SESN1: variants seen among roughly 807,000 people sequenced by gnomAD.
SESN1 encodes the protein sestrin-1.
Under a neutral mutation model 59.3 loss-of-function variants are expected in SESN1, and 30 were observed. That is an observed-to-expected ratio of 0.51 (90% CI 0.38 to 0.69). The LOEUF is 0.69. SESN1 is among the 30% of genes least tolerant of loss of function. The pLI is 0.00. For synonymous variants in SESN1, 197 were observed against 219.9 expected, an observed-to-expected ratio of 0.90 and a Z score of 0.92; for missense variants, 566 against 673.0, an observed-to-expected ratio of 0.84 and a Z score of 1.76.
At chr6:109,069,943 A>G (rs569928989) in intron 1 of SESN1, among the ~76,000 whole-genome samples, 5 of 152,210 alleles carry the variant, frequency 3.3e-5, no homozygotes, top group Admixed American at 6.5e-5. Flanking sequence ...TGATGAAACC[A>G]CATCTTATTA....
chr6:109,092,576 C>A (rs555302997), intron 1 of SESN1, among the ~76,000 whole-genome samples: 5 of 152,278 alleles, frequency 3.3e-5, no homozygotes, highest in Admixed American at 2.0e-4. Context: ...AAATTACACA[C>A]AAAAATACAA....
chr6:109,029,243 T>C (rs1449517699), intron 1 of SESN1, among the ~76,000 whole-genome samples: 1 of 152,134 alleles, frequency 6.6e-6, no homozygotes, highest in Non-Finnish European at 1.5e-5. Flanking sequence ...CCAGAAAGAC[T>C]CTTCCTAGCC....
chr6:108,986,601 C>A lies in SESN1; in HGVS notation c.*943G>T, dbSNP rs1779202382. 1 of 152,620 alleles carries A rather than the reference C, an allele frequency of 6.6e-6. No homozygotes were observed. The highest frequency in any genetic ancestry group is 1.5e-5 in the Non-Finnish European group (1 of 68,036). The allele number at this position is 152,620 out of a possible 1,614,324, so 9.5% of individuals were successfully genotyped here. ...TTGTAAATCAAATTTGATAACCCGA[C>A]TAAAAATATTTTCCAGCTTTATTAT... is the stretch of plus-strand genomic sequence containing the variant. On this transcript the variant is annotated 3_prime_UTR_variant, in exon 10 of 10. Transcript: ENST00000436639.
rs1373901982 is a variant in SESN1, at chr6:108,988,683, C to A, written c.1429G>T (p.Asp477Tyr). The change falls in exon 9 of 10, where the codon GAT becomes TAT. Residue 477 changes from aspartate (D) to tyrosine (Y), a missense_variant. Asp to Tyr is a radical substitution (Grantham distance 160). Transcript: ENST00000436639. ...TTAATTTCACCATAGTCATAATCATCATATCTGTTGAAAGACATAATGAGA... is the reference window on the plus strand; with the variant it reads ...TTAATTTCACCATAGTCATAATCATAATATCTGTTGAAAGACATAATGAGA... ...YIHCMFGIRYDDYDYGEINQL... is the reference protein window; with the variant it reads ...YIHCMFGIRYYDYDYGEINQL... 6.2e-7 allele frequency: 1 copy of A among 1,601,614 alleles called. No individual in the cohort carries two copies. Among genetic ancestry groups the A allele is most frequent in the Non-Finnish European group, 8.5e-7 (1 of 1,174,614 alleles).
chr6:109,086,706 C>A (rs1262251096), intron 1 of SESN1, among the ~76,000 whole-genome samples: 2 of 152,156 alleles, frequency 1.3e-5, no homozygotes, highest in Non-Finnish European at 2.9e-5. Flanking sequence ...ATTTACTATG[C>A]AAGTGTTTAA....
At chr6:109,065,566 A>T (rs1372713924) in intron 1 of SESN1, among the ~76,000 whole-genome samples, 1 of 152,100 alleles carries the variant, frequency 6.6e-6, no homozygotes, top group African/African-American at 2.4e-5. Flanking sequence ...ATAGCCTCAA[A>T]TGTGTAACAA....
chr6:109,085,441 C>A (rs1380844351), intron 1 of SESN1, among the ~76,000 whole-genome samples: 1 of 152,006 alleles, frequency 6.6e-6, no homozygotes, highest in Non-Finnish European at 1.5e-5. Flanking sequence ...ATGGCGTGAA[C>A]CCCGGAGGCG....
At chr6:109,009,267 G>A (rs942552347) in intron 1 of SESN1, 7 of 1,170,748 alleles carry the variant, frequency 6.0e-6, no homozygotes, top group South Asian at 2.0e-5. Flanking sequence ...ACTGTGAGGA[G>A]GCAACGTGAC....
chr6:109,064,109 A>C (rs1459805873), intron 1 of SESN1, among the ~76,000 whole-genome samples: 1 of 152,164 alleles, frequency 6.6e-6, no homozygotes, highest in African/African-American at 2.4e-5. Context: ...TAGTCTTAGA[A>C]TCTTAGTAAA....
chr6:109,069,140 G>A (rs980888828), intron 1 of SESN1, among the ~76,000 whole-genome samples: 9 of 152,080 alleles, frequency 5.9e-5, no homozygotes, highest in African/African-American at 2.2e-4. Context: ...AAGAGGTTGA[G>A]CAAAAGGAGA....
intron 8 of SESN1, among the ~76,000 whole-genome samples, chr6:108,989,674 CTCA>C (rs923401701): frequency 4.6e-5 from 7 of 151,950 alleles, no homozygotes; most frequent in African/African-American, 1.7e-4. Flanking sequence ...AATTACTTTA[CTCA>C]TGTTTCTAGG....
At chr6:109,053,071 CGTGT>C (rs1236548483) in intron 1 of SESN1, among the ~76,000 whole-genome samples, 1 of 151,526 alleles carries the variant, frequency 6.6e-6, no homozygotes, top group Non-Finnish European at 1.5e-5. Flanking sequence ...TGTGTGCGTG[CGTGT>C]GTGCACAGCA....
chr6:109,083,298 T>A (rs570228933), intron 1 of SESN1, among the ~76,000 whole-genome samples: 2 of 152,312 alleles, frequency 1.3e-5, no homozygotes, highest in East Asian at 3.9e-4. Flanking sequence ...CTGTGGATAC[T>A]TAGAATAGAT....
At chr6:109,081,174 T>C (rs559676548) in intron 1 of SESN1, among the ~76,000 whole-genome samples, 3 of 152,214 alleles carry the variant, frequency 2.0e-5, no homozygotes, top group Middle Eastern at 3.4e-3. Context: ...CTTGACCTCC[T>C]GGGCTCAAGC....
chr6:108,990,855 C>T lies in SESN1; in HGVS notation c.1234-20G>A, dbSNP rs777862727. ...ATAGTCCTAAATACAGGGAATAGAA[C>T]AAATGTGAATAAATGTGGTCAAGTA... On this transcript the variant is annotated intron_variant, in intron 7 of 9. Coordinates refer to ENST00000436639, the MANE Select transcript of SESN1 (RefSeq NM_014454.3). The T allele has an allele frequency of 6.2e-7, 1 of 1,600,324 alleles. No individual in the cohort carries two copies. Among genetic ancestry groups the T allele is most frequent in the Non-Finnish European group, 8.6e-7 (1 of 1,168,956 alleles).
chr6:109,011,540 T>C (rs2114348298), intron 1 of SESN1, among the ~76,000 whole-genome samples: 1 of 152,272 alleles, frequency 6.6e-6, no homozygotes, highest in Non-Finnish European at 1.5e-5. Context: ...TAGAGTGAAT[T>C]AGTCACTCTA....
At chr6:109,067,859 G>C (rs534238234) in intron 1 of SESN1, among the ~76,000 whole-genome samples, 1 of 152,260 alleles carries the variant, frequency 6.6e-6, no homozygotes, top group East Asian at 1.9e-4. Context: ...ACCCTGTTTT[G>C]TGCTTCAAAA....
intron 1 of SESN1, among the ~76,000 whole-genome samples, chr6:109,072,985 T>A (rs182525582): frequency 1.1e-3 from 166 of 152,226 alleles, no homozygotes; most frequent in Middle Eastern, 0.01. Context: ...TTATTTGCAT[T>A]CAATAGAATA....
chr6:109,065,728 A>G (rs1215198265), intron 1 of SESN1, among the ~76,000 whole-genome samples: 1 of 152,068 alleles, frequency 6.6e-6, no homozygotes, highest in Non-Finnish European at 1.5e-5. Flanking sequence ...TGTGATTGTA[A>G]TATTCTTGGT....
Sources: allele counts gnomAD v4.1 joint callset (sites outside exome capture counted in the v4.1 genomes callset), GRCh38; gene constraint gnomAD v4.1.1; transcripts MANE v1.5; gene names NCBI Gene and HGNC (gene_info 2026-07-23, HGNC 2026-07-21).